Variants in SPAG16 observed in about 807,000 individuals in gnomAD.
SPAG16 encodes the protein sperm associated antigen 16.
SPAG16 carries 86 observed loss-of-function variants against 80.4 expected under a neutral mutation model. That is an observed-to-expected ratio of 1.07 (90% CI 0.90 to 1.28). SPAG16 has a LOEUF of 1.28. Among genes scored for constraint, SPAG16 ranks in the 50% most tolerant of loss-of-function variants. The probability of loss-of-function intolerance (pLI) is 0.00; values close to 1 mark genes in which losing one functional copy is unlikely to be tolerated. For missense variants in SPAG16, 870 were observed against 765.3 expected (o/e 1.14, Z -1.61); for synonymous variants, 294 against 265.9 (o/e 1.11, Z -1.03).
At chr2:213,654,688 C>T (rs538077373) in intron 10 of SPAG16, among the ~76,000 whole-genome samples, 30 of 150,830 alleles carry the variant, frequency 2.0e-4, no homozygotes, top group Admixed American at 2.6e-4. Flanking sequence ...CTGCACTCCA[C>T]CCTGGGTAAC....
intron 9 of SPAG16, among the ~76,000 whole-genome samples, chr2:213,447,141 C>T (rs116528412): frequency 0.013 from 1,987 of 152,198 alleles, 21 homozygotes; most frequent in South Asian, 0.038. Context: ...CACCAAAGGG[C>T]TATTTTAAAA....
At chr2:213,335,118 C>T (rs1051924642) in intron 5 of SPAG16, among the ~76,000 whole-genome samples, 1 of 152,038 alleles carries the variant, frequency 6.6e-6, no homozygotes, top group African/African-American at 2.4e-5. Context: ...ATTATATTTT[C>T]ATTTAGCAAT....
intron 15 of SPAG16, among the ~76,000 whole-genome samples, chr2:214,211,448 A>G (rs1218486046): frequency 6.6e-6 from 1 of 152,224 alleles, no homozygotes; most frequent in East Asian, 1.9e-4. Flanking sequence ...ATGAAGTGAA[A>G]TAATGTGAGT....
At chr2:213,850,252 GA>G (rs1288645033) in intron 10 of SPAG16, among the ~76,000 whole-genome samples, 9 of 152,286 alleles carry the variant, frequency 5.9e-5, no homozygotes, top group African/African-American at 1.9e-4. Context: ...TGGATTGTCG[GA>G]AAACTAGAAA....
intron 9 of SPAG16, among the ~76,000 whole-genome samples, chr2:213,467,752 A>T (rs73986880): frequency 0.074 from 11,291 of 152,168 alleles, 1,380 homozygotes; most frequent in African/African-American, 0.25. Flanking sequence ...CTGGCTCTGG[A>T]CTCAGTGACC....
At chr2:213,665,854 C>T (rs548332129) in intron 10 of SPAG16, among the ~76,000 whole-genome samples, 1 of 152,242 alleles carries the variant, frequency 6.6e-6, no homozygotes, top group African/African-American at 2.4e-5. Flanking sequence ...GACTTCCTCA[C>T]TATGCTTGGG....
In SPAG16 at chr2:214,390,092, AATGT is replaced by A. The variant is rs377464022; in HGVS notation, c.1721-20044_1721-20041del. Among the ~76,000 whole-genome samples the A allele has an allele frequency of 4.4e-3, 674 of 152,340 alleles. 3 individuals are homozygous for A. The highest frequency in any genetic ancestry group is 0.014 in the South Asian group (67 of 4,832). On this transcript the variant is annotated intron_variant, in intron 15 of 15. Transcript: ENST00000331683. ...TCCAGTTATTCTGTACCACAAATAA[AATGT>A]ATGAAACAATACAATTTTTCTCTCC...
intron 15 of SPAG16, among the ~76,000 whole-genome samples, chr2:214,335,285 C>T (rs974366927): frequency 3.3e-5 from 5 of 152,100 alleles, no homozygotes; most frequent in Admixed American, 3.3e-4. Context: ...ATACTCCTAG[C>T]AACTGGAGAA....
chr2:213,947,673 A>G (rs114531629), intron 12 of SPAG16, among the ~76,000 whole-genome samples: 1,865 of 152,248 alleles, frequency 0.012, 35 homozygotes, highest in African/African-American at 0.042. Flanking sequence ...GAAAATTTGT[A>G]AGCAAAACTA....
intron 10 of SPAG16, among the ~76,000 whole-genome samples, chr2:213,661,918 C>T (rs1480829554): frequency 6.6e-6 from 1 of 152,110 alleles, no homozygotes; most frequent in Admixed American, 6.5e-5. Context: ...ATCTTTCCTC[C>T]TCAAAGACTG....
chr2:213,935,890 G>T (rs985010311), intron 12 of SPAG16, among the ~76,000 whole-genome samples: 7 of 152,020 alleles, frequency 4.6e-5, no homozygotes, highest in African/African-American at 1.2e-4. Context: ...AAAAACTTCT[G>T]CCCTTATGTC....
intron 12 of SPAG16, among the ~76,000 whole-genome samples, chr2:213,979,805 C>A (rs181393337): frequency 3.9e-5 from 6 of 152,118 alleles, no homozygotes; most frequent in Admixed American, 3.9e-4. Flanking sequence ...AAATAGGATA[C>A]CCTGGAGATC....
chr2:213,320,198 G>A (rs1242813615), intron 5 of SPAG16, among the ~76,000 whole-genome samples: 2 of 151,858 alleles, frequency 1.3e-5, no homozygotes, highest in Non-Finnish European at 2.9e-5. Context: ...GTTTCGTTTT[G>A]TCAGTAGTTT....
At chr2:213,405,032 T>C (rs1288653990) in intron 9 of SPAG16, among the ~76,000 whole-genome samples, 1 of 152,174 alleles carries the variant, frequency 6.6e-6, no homozygotes, top group Non-Finnish European at 1.5e-5. Flanking sequence ...GGTTGCTAGC[T>C]CCTATACAGT....
chr2:213,761,750 C>T (rs2068668103), intron 10 of SPAG16, among the ~76,000 whole-genome samples: 2 of 151,902 alleles, frequency 1.3e-5, no homozygotes, highest in Non-Finnish European at 2.9e-5. Context: ...CCTGTAGTCC[C>T]AGTTACTCAG....
intron 5 of SPAG16, among the ~76,000 whole-genome samples, chr2:213,337,185 A>G (rs2064408766): frequency 6.6e-6 from 1 of 152,182 alleles, no homozygotes; most frequent in Non-Finnish European, 1.5e-5. Flanking sequence ...AACAACATCA[A>G]TGAAAAGGAC....
At chr2:213,502,647 C>T (rs749894025) in intron 10 of SPAG16, among the ~76,000 whole-genome samples, 1 of 152,140 alleles carries the variant, frequency 6.6e-6, no homozygotes, top group Non-Finnish European at 1.5e-5. Flanking sequence ...TCACAATGAA[C>T]ATTTTTTGAA....
chr2:213,338,193 C>T (rs1438811603), intron 5 of SPAG16, among the ~76,000 whole-genome samples: 1 of 152,188 alleles, frequency 6.6e-6, no homozygotes, highest in African/African-American at 2.4e-5. Flanking sequence ...ACCAGGCCTG[C>T]CTTGCAAGCA....
Position 213,736,706 on chromosome 2 carries a change from A to ATTT in SPAG16, c.1071-125766_1071-125764dup, listed in dbSNP as rs10631489. Among the ~76,000 whole-genome samples, 661 of 145,452 alleles carry ATTT rather than the reference A, an allele frequency of 4.5e-3. 9 individuals carry two copies. Among genetic ancestry groups the ATTT allele is most frequent in the South Asian group, 0.026 (119 of 4,650 alleles). ...TGATGTGTGCATATATTTTTAAATA[A>ATTT]TTTTTTTTTTTTTTTGAGACAGAGT... is the stretch of plus-strand genomic sequence containing the variant. On this transcript the variant is annotated intron_variant, in intron 10 of 15. Transcript: ENST00000331683.
Sources: gnomAD v4.1 joint callset for allele counts (sites outside exome capture counted in the v4.1 genomes callset) on GRCh38, gnomAD v4.1.1 for gene constraint, MANE v1.5 for transcripts, NCBI Gene and HGNC (gene_info 2026-07-23, HGNC 2026-07-21) for gene names.